The following KLF11 variants were observed in gnomAD, a reference collection of about 807,000 sequenced individuals.
KLF11 encodes the protein KLF transcription factor 11, also known as Krueppel-like factor 11.
Under a neutral mutation model 29.9 loss-of-function variants are expected in KLF11, and 26 were observed. The ratio of observed to expected loss-of-function variants is 0.87; its 90% CI spans 0.64 to 1.21. The LOEUF is 1.21. KLF11 is among the 50% of genes most tolerant of loss of function. KLF11 has a pLI of 0.00. For missense variants in KLF11, 778 were observed against 665.7 expected (o/e 1.17, Z -1.86); for synonymous variants, 318 against 257.4 (o/e 1.24, Z -2.25).
At chr2:10,046,074 C>T in intron 1 of KLF11, 76 bp from the exon 2 acceptor site, 2 of 1,554,128 alleles carry the variant, frequency 1.3e-6, no homozygotes, top group East Asian at 2.2e-5. Flanking sequence ...TTCTGATATG[C>T]ATATCCACAT....
Position 10,046,371 on chromosome 2 carries a change from T to A in KLF11, c.264T>A (p.Asp88Glu), listed in dbSNP as rs779273183. The change falls in exon 2 of 4, where the codon GAT becomes GAA. Residue 88 changes from aspartate to glutamate, a missense_variant. Coordinates refer to ENST00000305883, the MANE Select transcript of KLF11 (RefSeq NM_003597.5). ...SGDVTTTVHM[D>E]AATPELPKDF... is the part of the protein sequence containing the mutation. ...ATGTCACCACCACTGTGCATATGGA[T>A]GCAGCCACACCTGAACTACCAAAAG... 6.2e-7 allele frequency: 1 copy of A among 1,614,094 alleles called. No individual in the cohort carries two copies. Among genetic ancestry groups the A allele is most frequent in the Non-Finnish European group, 8.5e-7 (1 of 1,180,048 alleles).
intron 1 of KLF11, 118 bp downstream of exon 1, chr2:10,043,876 G>A (rs1572433629): frequency 9.1e-7 from 1 of 1,103,970 alleles, no homozygotes; most frequent in Non-Finnish European, 1.1e-6. Context: ...GGGCTTCGCT[G>A]CGGCCGCGCC....
intron 3 of KLF11, among the ~76,000 whole-genome samples, chr2:10,051,768 C>G (rs549917871): frequency 6.6e-6 from 1 of 152,128 alleles, no homozygotes; most frequent in East Asian, 1.9e-4. Flanking sequence ...CCGCCCGCCT[C>G]GGCCTCCCAA....
chr2:10,045,242 A>G (rs891787146), intron 1 of KLF11, among the ~76,000 whole-genome samples: 2 of 152,094 alleles, frequency 1.3e-5, no homozygotes, highest in African/African-American at 4.8e-5. Flanking sequence ...CCTGGCCAAC[A>G]TGGTGAAACC....
At position 10,047,934 on chromosome 2, in the gene KLF11, C is replaced by T. The variant is rs150737124; in HGVS notation, c.597C>T (p.Asp199=). The change falls in exon 3 of 4, where the codon GAC becomes GAT. Residue 199 remains aspartate (D), a synonymous_variant. Coordinates refer to ENST00000305883, the MANE Select transcript of KLF11 (RefSeq NM_003597.5). ...AGACTCCAGATTGCCGGCTTTCTGA[C>T]AGCAGAGAAGGAGAAGAGCAGCTTC... ...TIQTPDCRLS[D]SREGEEQLLG... 1.2e-5 allele frequency: 20 copies of T among 1,613,784 alleles called. No individual in the cohort carries two copies. In the Admixed American group the frequency reaches 2.2e-4, roughly 17 times the overall value.
chr2:10,045,159 C>T (rs1038106175), intron 1 of KLF11, among the ~76,000 whole-genome samples: 3 of 149,104 alleles, frequency 2.0e-5, no homozygotes, highest in African/African-American at 7.5e-5. Context: ...AAAACAAGGC[C>T]GGGCGCCTGT....
At chr2:10,051,515 CATTTTTT>C (rs1661404620) in intron 3 of KLF11, among the ~76,000 whole-genome samples, 1 of 151,022 alleles carries the variant, frequency 6.6e-6, no homozygotes, top group African/African-American at 2.4e-5. Flanking sequence ...CTGGATGCTA[CATTTTTT>C]ATTTTTAATT....
At chr2:10,043,994 T>G in intron 1 of KLF11, 1 of 818,348 alleles carries the variant, frequency 1.2e-6, no homozygotes, top group Non-Finnish European at 1.5e-6. Flanking sequence ...AGCTTTGTCT[T>G]GCGCTTCCTG....
chr2:10,044,251 G>T, intron 1 of KLF11: 1 of 979,118 alleles, frequency 1.0e-6, no homozygotes, highest in Non-Finnish European at 1.2e-6. Flanking sequence ...TCTAGGGGCC[G>T]GGGCAACGAC....
chr2:10,045,498 GA>G (rs150104077), intron 1 of KLF11, among the ~76,000 whole-genome samples: 12 of 149,182 alleles, frequency 8.0e-5, no homozygotes, highest in African/African-American at 2.2e-4. Context: ...ATCTCAAAAA[GA>G]AAAAAAAAAC....
At chr2:10,051,756 A>G (rs893159671) in intron 3 of KLF11, among the ~76,000 whole-genome samples, 13 of 120,776 alleles carry the variant, frequency 1.1e-4, no homozygotes, top group Admixed American at 5.8e-4. Flanking sequence ...TGACTTTGTG[A>G]TCCGCCCGCC....
In KLF11 at chr2:10,048,908, C is replaced by CT. The variant is rs58347649; in HGVS notation, c.1258+335dup. Among the ~76,000 whole-genome samples, 10,071 of 121,482 alleles carry CT rather than the reference C, an allele frequency of 0.083. 417 individuals are homozygous for CT. The highest frequency in any genetic ancestry group is 0.17 in the South Asian group (604 of 3,598). 79.7% of individuals were successfully genotyped at this position (121,482 alleles called of 152,430 possible). On this transcript the variant is annotated intron_variant, in intron 3 of 3. Transcript: ENST00000305883. ...TTCACATTGCAGTAGACGTTTCATCCTTTTTTTTTTTTTTTTTTTTTTAAA... is the reference window on the plus strand; with the variant it reads ...TTCACATTGCAGTAGACGTTTCATCCTTTTTTTTTTTTTTTTTTTTTTTAAA...
chr2:10,049,765 A>G (rs758672423), intron 3 of KLF11, among the ~76,000 whole-genome samples: 17 of 152,140 alleles, frequency 1.1e-4, no homozygotes. Context: ...AGTTAGTTGT[A>G]TATCTCACCT....
rs1408123294 is a variant in KLF11 at position 10,053,567 on chromosome 2, C to T, written c.*1060C>T. The T allele has an allele frequency of 5.0e-6, 2 of 397,500 alleles. No individual in the cohort carries two copies. Among genetic ancestry groups the T allele is most frequent in the Non-Finnish European group, 8.9e-6 (2 of 225,720 alleles). The allele number at this position is 397,500 out of a possible 1,614,324, so 24.6% of individuals were successfully genotyped here. ...GGCAGGCAGTGCCAAGATTCCGCTT[C>T]CTTTGTTTGCCAAATACTAGAAACA... is the stretch of plus-strand genomic sequence containing the variant. On this transcript the variant is annotated 3_prime_UTR_variant, in exon 4 of 4. Coordinates refer to ENST00000305883, the MANE Select transcript of KLF11 (RefSeq NM_003597.5).
rs1382534583 is a variant in KLF11 at position 10,054,486 on chromosome 2, A to G, written c.*1979A>G. On this transcript the variant is annotated 3_prime_UTR_variant, in exon 4 of 4. Transcript: ENST00000305883. The stretch of plus-strand genomic sequence containing the variant: ...TTACATTTGGAAATACTTTGTGTAA[A>G]CCATCCCCCTTCCACCTCCATTTGT... 1 of 152,668 alleles carries G rather than the reference A, an allele frequency of 6.6e-6. No individual in the cohort carries two copies. The highest frequency in any genetic ancestry group is 1.5e-5 in the Non-Finnish European group (1 of 68,044). 9.5% of individuals were successfully genotyped at this position (152,668 alleles called of 1,614,324 possible). A position where few individuals can be genotyped will look rare whatever the true frequency, so the allele number is the denominator to read the frequency against.
chr2:10,044,232 C>CG (rs70948866), intron 1 of KLF11: 781,235 of 973,784 alleles, frequency 0.8, 312,035 homozygotes, highest in Admixed American at 0.87. Flanking sequence ...GGCCTGGGGG[C>CG]GGGCAAGGTC....
intron 1 of KLF11, chr2:10,044,381 G>T: frequency 2.0e-6 from 2 of 985,668 alleles, no homozygotes; most frequent in Non-Finnish European, 2.4e-6. Context: ...GGTAGCCGTG[G>T]ACGTGGGCAG....
At chr2:10,047,583 C>A in intron 2 of KLF11, 67 bp from the exon 3 acceptor site, 1 of 1,273,708 alleles carries the variant, frequency 7.9e-7, no homozygotes, top group Non-Finnish European at 1.1e-6. Flanking sequence ...GTATTGGGAG[C>A]ATTGTGATGA....
At chr2:10,051,466 CA>C (rs1262732466) in intron 3 of KLF11, among the ~76,000 whole-genome samples, 2 of 152,180 alleles carry the variant, frequency 1.3e-5, no homozygotes, top group Non-Finnish European at 2.9e-5. Context: ...CTCGGCCTCC[CA>C]AAATGCTGGG....
Sources: gnomAD v4.1 joint callset for allele counts (sites outside exome capture counted in the v4.1 genomes callset) on GRCh38, gnomAD v4.1.1 for gene constraint, MANE v1.5 for transcripts, NCBI Gene and HGNC (gene_info 2026-07-23, HGNC 2026-07-21) for gene names.